NUMA1: variants seen among roughly 807,000 people sequenced by gnomAD.
NUMA1 encodes nuclear mitotic apparatus protein 1.
A neutral mutation model predicts 237.1 loss-of-function variants in NUMA1; 62 were observed. The ratio of observed to expected loss-of-function variants is 0.26; its 90% CI spans 0.21 to 0.32. The LOEUF is 0.32. Ranked by LOEUF, NUMA1 falls within the 10% of genes least tolerant of loss-of-function variation. The pLI is 1.00. For missense variants in NUMA1, 2,533 were observed against 2,666.5 expected, an observed-to-expected ratio of 0.95 and a Z score of 1.10; for synonymous variants, 1,028 against 1,066.1, an observed-to-expected ratio of 0.96 and a Z score of 0.70.
chr11:72,018,452 C>T lies in NUMA1; in HGVS notation c.804G>A (p.Gln268=). The T allele has an allele frequency of 6.2e-7, 1 of 1,614,180 alleles. No individual in the cohort carries two copies. Among genetic ancestry groups the T allele is most frequent in the Non-Finnish European group, 8.5e-7 (1 of 1,180,036 alleles). The change falls in exon 11 of 27, where the codon CAG becomes CAA. Residue 268 remains glutamine (Q), a synonymous_variant. Coordinates refer to ENST00000393695, the MANE Select transcript of NUMA1 (RefSeq NM_006185.4). ...CCTTGGGCTCCAGTGGGCTGGCCGC[C>T]TGCTTCTCATTCAGCAGGGCTAGGC... The part of the protein sequence containing the change: ...IDRLALLNEK[Q]AASPLEPKEL...
intron 20 of NUMA1, chr11:72,008,219 G>A: frequency 6.9e-6 from 3 of 433,004 alleles, no homozygotes; most frequent in South Asian, 5.1e-5. Context: ...CTAGCTATTA[G>A]AATAATCTTT....
At chr11:72,016,287 A>T in intron 14 of NUMA1, 27 bp from the exon 15 acceptor site, 1 of 1,584,524 alleles carries the variant, frequency 6.3e-7, no homozygotes, top group Non-Finnish European at 8.6e-7. Context: ...ACAAACTGGG[A>T]TCAGCATGAC....
chr11:72,036,026 A>T, intron 2 of NUMA1, 51 bp from the exon 3 acceptor site: 1 of 1,409,704 alleles, frequency 7.1e-7, no homozygotes, highest in Non-Finnish European at 1.0e-6. Context: ...GATATCCATG[A>T]TCAAGAAATA....
chr11:72,012,152 C>A, intron 16 of NUMA1: 1 of 496,626 alleles, frequency 2.0e-6, no homozygotes, highest in Non-Finnish European at 3.6e-6. Context: ...TACCCCTTGT[C>A]CCTGATAGGC....
chr11:72,043,218 G>C (rs1941796962), intron 2 of NUMA1, among the ~76,000 whole-genome samples: 2 of 151,960 alleles, frequency 1.3e-5, no homozygotes, highest in Non-Finnish European at 1.5e-5. Flanking sequence ...AATAGTAGCT[G>C]GTGGGGCACG....
At position 72,019,508 on chromosome 11, in the gene NUMA1, A is replaced by G; in HGVS notation, c.570T>C (p.Ser190=). The G allele has an allele frequency of 6.2e-7, 1 of 1,613,482 alleles. No homozygotes were observed. The highest frequency in any genetic ancestry group is 8.5e-7 in the Non-Finnish European group (1 of 1,179,590). Residue 190 remains serine (S), a synonymous_variant, in exon 9 of 27, where the codon TCT becomes TCC. Coordinates refer to ENST00000393695, the MANE Select transcript of NUMA1 (RefSeq NM_006185.4). The stretch of plus-strand genomic sequence containing the variant: ...CCAGAACATACTTGTTCCCACTGGA[A>G]GAGGAGGCAACCTTCTGTAGCTCTA... ...RFLELQKVAS[S]SSGNNFLSGS...
chr11:72,024,410 G>T, intron 4 of NUMA1, 57 bp from the exon 5 acceptor site: 1 of 1,468,716 alleles, frequency 6.8e-7, no homozygotes, highest in Non-Finnish European at 9.5e-7. Flanking sequence ...CCTCCTTGCT[G>T]CTGCATTTCA....
Position 72,013,921 on chromosome 11 carries a change from G to C in NUMA1, c.3582C>G (p.Ala1194=). ...TGTGGTCTTGTACCTTGGTGCGGAA[G>C]GCAGCCAACTCCCGTTGGGCCGAGG... ...ALASAQRELA[A]FRTKVQDHSK... is the part of the protein sequence containing the mutation. Residue 1194 remains alanine (A), a synonymous_variant, in exon 15 of 27, where the codon GCC becomes GCG. Transcript: ENST00000393695. This position sits in a 1 kb window ranked among gnomAD's most constrained non-coding sequence, Gnocchi z 6.8. 6.2e-7 allele frequency: 1 copy of C among 1,614,012 alleles called. No homozygotes were observed. Among genetic ancestry groups the C allele is most frequent in the African/African-American group, 1.3e-5 (1 of 75,066 alleles).
intron 2 of NUMA1, among the ~76,000 whole-genome samples, chr11:72,037,420 G>A (rs959848495): frequency 2.0e-5 from 3 of 152,124 alleles, no homozygotes; most frequent in African/African-American, 4.8e-5. Flanking sequence ...GCAGGAGAAT[G>A]GCGTGAACCC....
At chr11:72,023,588 C>T (rs2135386854) in intron 5 of NUMA1, among the ~76,000 whole-genome samples, 1 of 152,302 alleles carries the variant, frequency 6.6e-6, no homozygotes, top group African/African-American at 2.4e-5. Context: ...AAATTACTAA[C>T]ACCTTACTTT....
chr11:72,045,180 T>C (rs1941925317), intron 2 of NUMA1, among the ~76,000 whole-genome samples: 1 of 151,564 alleles, frequency 6.6e-6, no homozygotes, highest in Non-Finnish European at 1.5e-5. Context: ...CCAAACTACA[T>C]CTGGATGTCA....
At chr11:72,045,211 TG>T (rs1941927957) in intron 2 of NUMA1, among the ~76,000 whole-genome samples, 1 of 146,308 alleles carries the variant, frequency 6.8e-6, no homozygotes, top group Non-Finnish European at 1.5e-5. Flanking sequence ...TTCAACTTTC[TG>T]GCCACCAGAG....
chr11:72,058,100 G>A (rs1327355325), intron 2 of NUMA1, among the ~76,000 whole-genome samples: 3 of 151,932 alleles, frequency 2.0e-5, no homozygotes, highest in Non-Finnish European at 2.9e-5. Context: ...AATTAATTAA[G>A]ATGAAACGAT....
chr11:72,058,752 G>C (rs1942794845), intron 2 of NUMA1, among the ~76,000 whole-genome samples: 1 of 152,088 alleles, frequency 6.6e-6, no homozygotes, highest in South Asian at 2.1e-4. Context: ...AGTTACTGTT[G>C]GTAAATTGGA....
At chr11:72,031,690 C>T (rs1056607498) in intron 3 of NUMA1, among the ~76,000 whole-genome samples, 25 of 152,014 alleles carry the variant, frequency 1.6e-4, no homozygotes, top group African/African-American at 5.8e-4. Context: ...TGTATGCTCG[C>T]GTAGTCCCTG....
chr11:72,040,334 T>A (rs76649380), intron 2 of NUMA1, among the ~76,000 whole-genome samples: 1,644 of 152,116 alleles, frequency 0.011, 30 homozygotes, highest in African/African-American at 0.038. Context: ...GTCTGCCCCT[T>A]CTCCCCGTTC....
At chr11:72,050,104 C>T (rs938857411) in intron 2 of NUMA1, among the ~76,000 whole-genome samples, 1 of 152,172 alleles carries the variant, frequency 6.6e-6, no homozygotes, top group African/African-American at 2.4e-5. Flanking sequence ...GTAGTACCAA[C>T]TTAGCATGGC....
Position 72,012,928 on chromosome 11 carries a change from C to G in NUMA1, c.4575G>C (p.Arg1525=). ...TGAGTTTCTGCCTCTCTTCCTGGAACCGCTGCCTCTCCTCCAGGACCTTGA... is the reference window on the plus strand; with the variant it reads ...TGAGTTTCTGCCTCTCTTCCTGGAAGCGCTGCCTCTCCTCCAGGACCTTGA... ...AKVKVLEERQ[R]FQEERQKLTA... Residue 1525 remains arginine (R), a synonymous_variant, in exon 15 of 27, where the codon CGG becomes CGC. Coordinates refer to ENST00000393695, the MANE Select transcript of NUMA1 (RefSeq NM_006185.4). 1.2e-6 allele frequency: 2 copies of G among 1,614,126 alleles called. No individual in the cohort carries two copies. Among genetic ancestry groups the G allele is most frequent in the Non-Finnish European group, 8.5e-7 (1 of 1,180,014 alleles).
rs1448393851 is a variant in NUMA1 at position 72,066,242 on chromosome 11, G to C, written c.-33+3600C>G. The stretch of plus-strand genomic sequence containing the variant: ...AATCGCTTGAACCCAGGAGGCGGGG[G>C]TTGCGGTGAGCCGAGATCACGCCTA... On this transcript the variant is annotated intron_variant, in intron 2 of 26. Transcript: ENST00000393695. 3 of 151,996 alleles carry C rather than the reference G, an allele frequency of 2.0e-5. No homozygotes were observed. The East Asian group carries it at 5.8e-4, about 29-fold the overall frequency. 9.4% of individuals were successfully genotyped at this position (151,996 alleles called of 1,614,324 possible).
Sources: allele counts gnomAD v4.1 joint callset (sites outside exome capture counted in the v4.1 genomes callset), GRCh38; gene constraint gnomAD v4.1.1; non-coding constraint Gnocchi (gnomAD v3.1); transcripts MANE v1.5; gene names NCBI Gene and HGNC (gene_info 2026-07-23, HGNC 2026-07-21).